C9: variants seen among roughly 807,000 people sequenced by gnomAD.
C9 encodes complement C9.
A neutral mutation model predicts 65.4 loss-of-function variants in C9; 63 were observed. The ratio of observed to expected loss-of-function variants is 0.96; its 90% confidence interval spans 0.79 to 1.19. C9 has a LOEUF of 1.19. Among genes scored for constraint, C9 ranks in the 50% most tolerant of loss-of-function variants. The pLI is 0.00. For synonymous variants in C9, 229 were observed against 227.9 expected (o/e 1.00, Z -0.04); for missense variants, 744 against 670.1 (o/e 1.11, Z -1.22).
intron 9 of C9, among the ~76,000 whole-genome samples, chr5:39,297,342 C>T (rs189648826): frequency 2.3e-4 from 35 of 151,506 alleles, no homozygotes; most frequent in African/African-American, 8.2e-4. Context: ...AAAGAATATA[C>T]AGAACAAATA....
At chr5:39,308,588 T>G (rs973256610) in intron 7 of C9, among the ~76,000 whole-genome samples, 1 of 152,182 alleles carries the variant, frequency 6.6e-6, no homozygotes, top group African/African-American at 2.4e-5. Context: ...GTCTACCACA[T>G]GGTTTAAAGG....
At chr5:39,320,569 C>A (rs1753648278) in intron 5 of C9, among the ~76,000 whole-genome samples, 1 of 151,942 alleles carries the variant, frequency 6.6e-6, no homozygotes, top group African/African-American at 2.4e-5. Context: ...TATTATGGTG[C>A]CCCAGAAGGA....
At chr5:39,363,078 G>A (rs1754550401) in intron 1 of C9, among the ~76,000 whole-genome samples, 1 of 152,166 alleles carries the variant, frequency 6.6e-6, no homozygotes, top group African/African-American at 2.4e-5. Context: ...AGGAATGTGG[G>A]TTGTTTGAAT....
chr5:39,339,061 A>G (rs1459772024), intron 4 of C9, among the ~76,000 whole-genome samples: 1 of 152,252 alleles, frequency 6.6e-6, no homozygotes, highest in Non-Finnish European at 1.5e-5. Flanking sequence ...ATAAAGTAGT[A>G]ATGGGCTTTC....
chr5:39,332,530 A>T (rs919926186), intron 4 of C9, among the ~76,000 whole-genome samples: 2 of 152,242 alleles, frequency 1.3e-5, no homozygotes, highest in Non-Finnish European at 2.9e-5. Flanking sequence ...GCTTAGAAAC[A>T]ATATATGAAC....
intron 1 of C9, among the ~76,000 whole-genome samples, chr5:39,347,752 C>T (rs931833658): frequency 2.0e-5 from 3 of 152,092 alleles, no homozygotes; most frequent in Non-Finnish European, 2.9e-5. Flanking sequence ...AGACATCATG[C>T]TACCTGACTT....
At chr5:39,358,845 C>A (rs577440455) in intron 1 of C9, among the ~76,000 whole-genome samples, 1 of 151,002 alleles carries the variant, frequency 6.6e-6, no homozygotes, top group Non-Finnish European at 1.5e-5. Context: ...ATTAGCCGGG[C>A]GTGGTGGCGG....
At chr5:39,354,955 G>C (rs1754389642) in intron 1 of C9, among the ~76,000 whole-genome samples, 1 of 152,134 alleles carries the variant, frequency 6.6e-6, no homozygotes, top group Non-Finnish European at 1.5e-5. Flanking sequence ...ATTGCTCTAG[G>C]CTCTATTAAC....
intron 8 of C9, among the ~76,000 whole-genome samples, chr5:39,308,006 C>A (rs1004238237): frequency 6.6e-6 from 1 of 152,188 alleles, no homozygotes; most frequent in Non-Finnish European, 1.5e-5. Context: ...GTGTGAATCA[C>A]ACCCCCTTGA....
chr5:39,351,918 C>T (rs768163635), intron 1 of C9, among the ~76,000 whole-genome samples: 18 of 152,288 alleles, frequency 1.2e-4, no homozygotes, highest in Non-Finnish European at 2.4e-4. Flanking sequence ...ATGTCCCGCT[C>T]TTGTTACCAA....
intron 4 of C9, among the ~76,000 whole-genome samples, chr5:39,336,982 G>GT (rs148205952): frequency 0.03 from 4,517 of 148,764 alleles, 205 homozygotes; most frequent in African/African-American, 0.1. Flanking sequence ...GTTGTGTCTT[G>GT]TTTTTTTTTT....
At chr5:39,353,571 C>T (rs192884744) in intron 1 of C9, among the ~76,000 whole-genome samples, 169 of 152,288 alleles carry the variant, frequency 1.1e-3, no homozygotes, top group Admixed American at 2.1e-3. Context: ...TTAACCTCCC[C>T]GTGTAATTTA....
intron 5 of C9, among the ~76,000 whole-genome samples, chr5:39,328,958 G>A (rs1014724789): frequency 4.6e-5 from 7 of 152,244 alleles, no homozygotes; most frequent in South Asian, 4.1e-4. Flanking sequence ...GGATTGGGGC[G>A]AAAACTATGC....
intron 9 of C9, among the ~76,000 whole-genome samples, chr5:39,304,048 G>A (rs1753333045): frequency 6.6e-6 from 1 of 152,064 alleles, no homozygotes; most frequent in South Asian, 2.1e-4. Flanking sequence ...AATATTAGAA[G>A]TGTTTCAGTT....
intron 1 of C9, among the ~76,000 whole-genome samples, chr5:39,350,098 T>C (rs1754295030): frequency 6.6e-6 from 1 of 152,054 alleles, no homozygotes; most frequent in Non-Finnish European, 1.5e-5. Flanking sequence ...ACTGGGAAGG[T>C]CTCAGAAACT....
chr5:39,341,725 T>C (rs1561350679), intron 2 of C9, 25 bp from the exon 3 acceptor site: 1 of 1,612,336 alleles, frequency 6.2e-7, no homozygotes, highest in Non-Finnish European at 8.5e-7. Context: ...TTGGAATGAT[T>C]AGAATTTCTA....
chr5:39,326,448 C>T lies in C9; in HGVS notation c.615+5228G>A, dbSNP rs370067594. On this transcript the variant is annotated intron_variant, in intron 5 of 10. Transcript: ENST00000263408. Reference sequence around the variant, plus strand: ...GCTTCTTGGACCATAAAATAGCCTCCTTCTGTTCTCATTACCTCTGGTCTT... The same window carrying T: ...GCTTCTTGGACCATAAAATAGCCTCTTTCTGTTCTCATTACCTCTGGTCTT... Among the ~76,000 whole-genome samples, 5 of 152,288 alleles carry T rather than the reference C, an allele frequency of 3.3e-5. 1 individual carries two copies.
intron 5 of C9, among the ~76,000 whole-genome samples, chr5:39,325,387 A>C (rs1315479054): frequency 6.6e-6 from 1 of 152,114 alleles, no homozygotes; most frequent in Non-Finnish European, 1.5e-5. Flanking sequence ...TCTGTGCCTA[A>C]ATCTTAAACG....
intron 5 of C9, among the ~76,000 whole-genome samples, chr5:39,328,425 G>A (rs1014306858): frequency 4.6e-5 from 7 of 152,272 alleles, no homozygotes; most frequent in South Asian, 2.1e-4. Flanking sequence ...ACAATGTGGA[G>A]GACTCAGTTG....
Sources: allele counts gnomAD v4.1 joint callset (sites outside exome capture counted in the v4.1 genomes callset), GRCh38; gene constraint gnomAD v4.1.1; transcripts MANE v1.5; gene names NCBI Gene and HGNC (gene_info 2026-07-23, HGNC 2026-07-21).